The following UBR3 variants were observed in gnomAD, a reference collection of about 807,000 sequenced individuals.
The protein encoded by UBR3 is ubiquitin protein ligase E3 component n-recognin 3.
Under a neutral mutation model 243.2 loss-of-function variants are expected in UBR3, and 85 were observed. The ratio of observed to expected loss-of-function variants is 0.35; its 90% confidence interval spans 0.29 to 0.42. The LOEUF (loss-of-function observed/expected upper bound fraction) is 0.42. Ranked by LOEUF, UBR3 falls within the 10% of genes least tolerant of loss-of-function variation. The pLI is 1.00. For synonymous variants in UBR3, 748 were observed against 799.8 expected (o/e 0.94, Z 1.09); for missense variants, 1,686 against 2,300.8 (o/e 0.73, Z 5.47).
At chr2:170,039,726 A>G (rs1292648715) in intron 31 of UBR3, among the ~76,000 whole-genome samples, 1 of 152,216 alleles carries the variant, frequency 6.6e-6, no homozygotes. Context: ...CTGGAGCTTA[A>G]GATTTACTTT....
chr2:169,890,563 A>ATATATATATATATGTG (rs1255881148), intron 5 of UBR3, among the ~76,000 whole-genome samples: 65 of 83,846 alleles, frequency 7.8e-4, no homozygotes, highest in South Asian at 2.1e-3. Flanking sequence ...ATATATATAT[A>ATATATATATATATGTG]TGTGTATATA....
chr2:169,836,037 CTCTCTCTATATA>C (rs1308169455), intron 1 of UBR3, among the ~76,000 whole-genome samples: 9 of 12,548 alleles, frequency 7.2e-4, no homozygotes, highest in Admixed American at 1.6e-3. Flanking sequence ...CTCTCTCTCT[CTCTCTCTATATA>C]TATATATATA....
At chr2:170,001,810 G>A (rs1559174887) in intron 27 of UBR3, among the ~76,000 whole-genome samples, 3 of 149,384 alleles carry the variant, frequency 2.0e-5, no homozygotes, top group South Asian at 4.3e-4. Context: ...CTACTTGGGA[G>A]GCTGAGGCAG....
At chr2:169,893,991 T>A (rs1326787779) in intron 6 of UBR3, among the ~76,000 whole-genome samples, 1 of 152,142 alleles carries the variant, frequency 6.6e-6, no homozygotes, top group African/African-American at 2.4e-5. Flanking sequence ...TTTCTTGCAA[T>A]CTTGGTTTTT....
At chr2:169,836,259 T>G (rs1473285464) in intron 1 of UBR3, among the ~76,000 whole-genome samples, 2 of 150,610 alleles carry the variant, frequency 1.3e-5, no homozygotes, top group Non-Finnish European at 3.0e-5. Flanking sequence ...AATTTTCATA[T>G]TTTTAGTAGA....
chr2:170,019,767 T>C (rs1234290915), intron 30 of UBR3, among the ~76,000 whole-genome samples: 1 of 152,120 alleles, frequency 6.6e-6, no homozygotes, highest in Non-Finnish European at 1.5e-5. Context: ...AATAATGAGT[T>C]TTTACAAAAT....
At chr2:169,842,768 C>T (rs527256370) in intron 1 of UBR3, among the ~76,000 whole-genome samples, 14 of 152,332 alleles carry the variant, frequency 9.2e-5, no homozygotes, top group Non-Finnish European at 1.6e-4. Flanking sequence ...ACTCCAGACA[C>T]GCCACCTTAA....
chr2:170,057,361 C>T (rs1049030883), intron 33 of UBR3, among the ~76,000 whole-genome samples: 2 of 152,098 alleles, frequency 1.3e-5, no homozygotes, highest in Admixed American at 6.5e-5. Context: ...CAAGGTAATC[C>T]ACCTGCCTTG....
At chr2:169,915,807 A>C (rs2085440587) in intron 11 of UBR3, among the ~76,000 whole-genome samples, 1 of 151,952 alleles carries the variant, frequency 6.6e-6, no homozygotes, top group South Asian at 2.1e-4. Flanking sequence ...TCATTCATTT[A>C]TTTTTGTCTC....
chr2:169,836,152 C>T (rs1352253880), intron 1 of UBR3, among the ~76,000 whole-genome samples: 3 of 136,784 alleles, frequency 2.2e-5, no homozygotes, highest in Non-Finnish European at 4.6e-5. Flanking sequence ...GGTGCGATCT[C>T]GGCTCACTGC....
At chr2:170,047,630 C>T (rs993932549) in intron 32 of UBR3, among the ~76,000 whole-genome samples, 1 of 152,260 alleles carries the variant, frequency 6.6e-6, no homozygotes, top group South Asian at 2.1e-4. Flanking sequence ...AGAAGCCATA[C>T]GTGATGTACA....
At chr2:169,828,556 G>A (rs1401213596) in intron 1 of UBR3, among the ~76,000 whole-genome samples, 1 of 151,968 alleles carries the variant, frequency 6.6e-6, no homozygotes, top group African/African-American at 2.4e-5. Flanking sequence ...TTGAGGAAAA[G>A]GTCTTCTGAA....
chr2:169,882,250 A>G (rs1031647590), intron 5 of UBR3, among the ~76,000 whole-genome samples: 2 of 134,816 alleles, frequency 1.5e-5, no homozygotes, highest in South Asian at 2.3e-4. Context: ...TTGTATATGT[A>G]TATATATTTA....
At chr2:170,078,315 G>A (rs914430382) in intron 36 of UBR3, 7 of 275,638 alleles carry the variant, frequency 2.5e-5, no homozygotes, top group South Asian at 1.2e-4. Context: ...CAGCCCCTGG[G>A]GTGCGAAAAT....
chr2:170,003,544 G>A (rs1293113943), intron 27 of UBR3, among the ~76,000 whole-genome samples: 1 of 152,112 alleles, frequency 6.6e-6, no homozygotes, highest in South Asian at 2.1e-4. Flanking sequence ...TGGTACATAA[G>A]GCACAGTTCC....
chr2:170,045,953 G>A (rs1246071949), intron 32 of UBR3, among the ~76,000 whole-genome samples: 1 of 142,448 alleles, frequency 7.0e-6, no homozygotes, highest in South Asian at 2.3e-4. Context: ...TTCCATAGTT[G>A]CTTCTTGTAA....
intron 5 of UBR3, among the ~76,000 whole-genome samples, chr2:169,882,096 CAT>C (rs1178619540): frequency 8.1e-5 from 10 of 123,498 alleles, no homozygotes; most frequent in South Asian, 4.8e-4. Context: ...TATATATACA[CAT>C]ATATATTTAT....
At chr2:169,952,248 CTG>C (rs1287910254) in intron 23 of UBR3, among the ~76,000 whole-genome samples, 1 of 152,014 alleles carries the variant, frequency 6.6e-6, no homozygotes, top group Non-Finnish European at 1.5e-5. Flanking sequence ...AAGAGAAAAA[CTG>C]GGGTGAGTGG....
At chr2:169,841,734 T>C (rs970438203) in intron 1 of UBR3, among the ~76,000 whole-genome samples, 11 of 152,342 alleles carry the variant, frequency 7.2e-5, no homozygotes, top group Admixed American at 2.6e-4. Context: ...ACCGGCGCTG[T>C]GCTCGATTTC....
Sources: gnomAD v4.1 joint callset for allele counts (sites outside exome capture counted in the v4.1 genomes callset) on GRCh38, gnomAD v4.1.1 for gene constraint, MANE v1.5 for transcripts, NCBI Gene and HGNC (gene_info 2026-07-23, HGNC 2026-07-21) for gene names.